The following CDH13 variants were observed in gnomAD, a reference collection of about 807,000 sequenced individuals.
CDH13 encodes cadherin 13, also known as cadherin-13.
A neutral mutation model predicts 63.8 loss-of-function variants in CDH13; 24 were observed. The observed-to-expected ratio is 0.38, with a 90% CI of 0.27 to 0.53. The LOEUF (loss-of-function observed/expected upper bound fraction) is 0.53, where lower values mean the gene tolerates loss of function less well. Ranked by LOEUF, CDH13 falls within the 20% of genes least tolerant of loss-of-function variation. The pLI is 0.85. For missense variants in CDH13, 1,049 were observed against 903.1 expected (o/e 1.16, Z -2.07); for synonymous variants, 503 against 355.3 (o/e 1.42, Z -4.67).
chr16:83,288,015 C>G (rs1210257791), intron 5 of CDH13, among the ~76,000 whole-genome samples: 1 of 152,208 alleles, frequency 6.6e-6, no homozygotes, highest in Non-Finnish European at 1.5e-5. Flanking sequence ...TTTCGTTTGA[C>G]TCAGGCTCCA....
chr16:83,545,653 C>T (rs1295342040), intron 7 of CDH13, among the ~76,000 whole-genome samples: 1 of 152,108 alleles, frequency 6.6e-6, no homozygotes, highest in Non-Finnish European at 1.5e-5. Flanking sequence ...TAGCCATCTA[C>T]CAGACCTCCT....
intron 5 of CDH13, among the ~76,000 whole-genome samples, chr16:83,285,090 C>T (rs780667769): frequency 4.6e-5 from 7 of 152,100 alleles, no homozygotes; most frequent in African/African-American, 7.2e-5. Flanking sequence ...TATTTTGGAA[C>T]GGCTTTTTAA....
In CDH13 at chr16:82,979,002, C is replaced by A. The variant is rs866683276; in HGVS notation, c.158-53008C>A. 3.9e-5 allele frequency among the ~76,000 whole-genome samples: 6 copies of A among 152,324 alleles called. No individual in the cohort carries two copies. In the South Asian group the frequency reaches 1.0e-3, roughly 26 times the overall value. The stretch of plus-strand genomic sequence containing the variant: ...GTGGAGCTGCCCAAGATCATGGGAG[C>A]CCACCTCTAGCATCATCATGCCCTA... On this transcript the variant is annotated intron_variant, in intron 2 of 13. Transcript: ENST00000567109.
At chr16:83,163,101 G>A (rs1597445768) in intron 4 of CDH13, among the ~76,000 whole-genome samples, 1 of 152,136 alleles carries the variant, frequency 6.6e-6, no homozygotes. Context: ...ATATAAAAAT[G>A]AGAATTTCCC....
In CDH13 at chr16:83,486,640, G is replaced by A. The variant is rs762515263; in HGVS notation, c.945G>A (p.Ala315=). The change falls in exon 7 of 14, where the codon GCG becomes GCA. Residue 315 remains alanine (A), a synonymous_variant. Coordinates refer to ENST00000567109, the MANE Select transcript of CDH13 (RefSeq NM_001257.5). ...ACATTGTCACTGTTGTGTCACCTGCGCTGCTGGACCGAGAGGTGAGCTGAA... is the reference window on the plus strand; with the variant it reads ...ACATTGTCACTGTTGTGTCACCTGCACTGCTGGACCGAGAGGTGAGCTGAA... ...KGDIVTVVSP[A]LLDRETLENP... is the part of the protein sequence containing the mutation. The A allele has an allele frequency of 1.2e-5, 19 of 1,613,612 alleles. No individual in the cohort carries two copies. The highest frequency in any genetic ancestry group is 3.3e-4 in the Middle Eastern group (2 of 6,082).
At chr16:82,879,178 T>C (rs1306716963) in intron 2 of CDH13, among the ~76,000 whole-genome samples, 1 of 152,146 alleles carries the variant, frequency 6.6e-6, no homozygotes, top group East Asian at 1.9e-4. Flanking sequence ...GGCAGGCAGA[T>C]GCCCAGCTCT....
chr16:83,100,712 C>T (rs1264396847), intron 3 of CDH13, among the ~76,000 whole-genome samples: 1 of 152,174 alleles, frequency 6.6e-6, no homozygotes, highest in Non-Finnish European at 1.5e-5. Context: ...TTTGGGTTAG[C>T]TCAAGCCAGG....
intron 3 of CDH13, among the ~76,000 whole-genome samples, chr16:83,083,093 C>G (rs1178705672): frequency 6.6e-6 from 1 of 152,122 alleles, no homozygotes; most frequent in Admixed American, 6.5e-5. Context: ...TTCATGTTCT[C>G]TAAATATCTT....
chr16:83,179,653 GA>G (rs11307471), intron 4 of CDH13, among the ~76,000 whole-genome samples: 127,170 of 147,146 alleles, frequency 0.86, 54,922 homozygotes, highest in Admixed American at 0.88. Flanking sequence ...CTCTCTCTCA[GA>G]AAAAAAAAAA....
chr16:83,293,910 T>C (rs2089523910), intron 5 of CDH13, among the ~76,000 whole-genome samples: 1 of 152,188 alleles, frequency 6.6e-6, no homozygotes, highest in African/African-American at 2.4e-5. Flanking sequence ...GCCCTTAGCA[T>C]GTATTATCTC....
chr16:82,954,122 G>A (rs1441356389), intron 2 of CDH13: 1 of 152,236 alleles, frequency 6.6e-6, no homozygotes, highest in African/African-American at 2.4e-5. Flanking sequence ...GCACTGAATG[G>A]TAGATTGTCT....
intron 4 of CDH13, among the ~76,000 whole-genome samples, chr16:83,183,883 T>C (rs8049648): frequency 0.058 from 8,814 of 152,198 alleles, 304 homozygotes; most frequent in African/African-American, 0.067. Context: ...AGACATTAGG[T>C]GAATTGGTTT....
At chr16:83,048,622 C>G (rs1023119820) in intron 3 of CDH13, among the ~76,000 whole-genome samples, 4 of 152,144 alleles carry the variant, frequency 2.6e-5, no homozygotes, top group African/African-American at 9.7e-5. Context: ...TTTCAGTTCC[C>G]TTTTCCATCT....
intron 1 of CDH13, among the ~76,000 whole-genome samples, chr16:82,822,658 C>A (rs956328426): frequency 6.6e-6 from 1 of 152,100 alleles, no homozygotes. Context: ...CCACACCTGG[C>A]TAATTTTTAA....
At chr16:82,761,832 A>G (rs1256927214) in intron 1 of CDH13, among the ~76,000 whole-genome samples, 1 of 152,174 alleles carries the variant, frequency 6.6e-6, no homozygotes, top group Non-Finnish European at 1.5e-5. Flanking sequence ...ATCATGACTT[A>G]TGATTTTTTA....
chr16:82,852,191 C>A (rs2039520481), intron 1 of CDH13, among the ~76,000 whole-genome samples: 1 of 152,172 alleles, frequency 6.6e-6, no homozygotes, highest in East Asian at 1.9e-4. Context: ...TGTTTTTCTT[C>A]AGTCCTGATA....
chr16:83,234,133 T>C (rs1266154769), intron 5 of CDH13, among the ~76,000 whole-genome samples: 5 of 152,230 alleles, frequency 3.3e-5, no homozygotes, highest in African/African-American at 1.2e-4. Context: ...CCCTAGATTC[T>C]TGCTCTGAAA....
chr16:82,864,287 T>A (rs2040045636), intron 2 of CDH13, among the ~76,000 whole-genome samples: 1 of 152,194 alleles, frequency 6.6e-6, no homozygotes, highest in Non-Finnish European at 1.5e-5. Flanking sequence ...AGAGTGAGTG[T>A]TTCTAGATAA....
chr16:83,239,196 G>C (rs1904293654), intron 5 of CDH13, among the ~76,000 whole-genome samples: 1 of 152,128 alleles, frequency 6.6e-6, no homozygotes, highest in Non-Finnish European at 1.5e-5. Context: ...TAATATGAGA[G>C]ATCAACAGTA....
Sources: allele counts gnomAD v4.1 joint callset (sites outside exome capture counted in the v4.1 genomes callset), GRCh38; gene constraint gnomAD v4.1.1; transcripts MANE v1.5; gene names NCBI Gene and HGNC (gene_info 2026-07-23, HGNC 2026-07-21).